The following MACROD2 variants were observed in gnomAD, a reference collection of about 807,000 sequenced individuals.
MACROD2 encodes mono-ADP ribosylhydrolase 2.
Under a neutral mutation model 70.4 loss-of-function variants are expected in MACROD2, and 36 were observed. The ratio of observed to expected loss-of-function variants is 0.51; its 90% CI spans 0.39 to 0.68. The LOEUF is 0.68. Among genes scored for constraint, MACROD2 ranks in the 30% least tolerant of loss-of-function variants. The pLI, the probability that MACROD2 is intolerant of heterozygous loss-of-function variation, is 0.00. For synonymous variants in MACROD2, 172 were observed against 178.8 expected (o/e 0.96, Z 0.30); for missense variants, 496 against 538.4 (o/e 0.92, Z 0.78).
chr20:16,021,433 C>A (rs2066999702), intron 15 of MACROD2, among the ~76,000 whole-genome samples: 1 of 152,158 alleles, frequency 6.6e-6, no homozygotes, highest in Admixed American at 6.5e-5. Flanking sequence ...CAGAGTTGTG[C>A]AGGGAGAGAC....
At position 14,382,282 on chromosome 20, in the gene MACROD2, G is replaced by A. The variant is rs535876410; in HGVS notation, c.272-111197G>A. Among the ~76,000 whole-genome samples the A allele has an allele frequency of 9.9e-5, 15 of 151,828 alleles. No homozygotes were observed. The East Asian group carries it at 1.8e-3, about 18-fold the overall frequency. The stretch of plus-strand genomic sequence containing the variant: ...TCACCATGTTAGCCAGGATGGTCTC[G>A]AGCTCCTGACCTTGTGATCCGCCCG... On this transcript the variant is annotated intron_variant, in intron 3 of 17. Coordinates refer to ENST00000684519, the MANE Select transcript of MACROD2 (RefSeq NM_001351661.2).
At chr20:14,606,727 G>T (rs534691491) in intron 4 of MACROD2, among the ~76,000 whole-genome samples, 1 of 152,174 alleles carries the variant, frequency 6.6e-6, no homozygotes, top group Non-Finnish European at 1.5e-5. Flanking sequence ...TTTTGTGTGT[G>T]TGATTTGGCT....
intron 5 of MACROD2, among the ~76,000 whole-genome samples, chr20:14,766,152 C>T (rs1308659072): frequency 6.6e-6 from 1 of 152,026 alleles, no homozygotes; most frequent in Non-Finnish European, 1.5e-5. Flanking sequence ...TGTGTGTACA[C>T]TGAAGAGTGT....
intron 3 of MACROD2, among the ~76,000 whole-genome samples, chr20:14,106,598 A>G (rs1224156963): frequency 6.6e-6 from 1 of 152,160 alleles, no homozygotes; most frequent in African/African-American, 2.4e-5. Flanking sequence ...GTAGCCAGGT[A>G]GTGGTTACAG....
At chr20:15,967,526 C>T in intron 12 of MACROD2, 27 bp from the exon 13 acceptor site, 1 of 1,590,634 alleles carries the variant, frequency 6.3e-7, no homozygotes, top group South Asian at 1.1e-5. Context: ...AAAATGCTGA[C>T]CAAAGGTTTT....
At chr20:15,970,963 A>G (rs994262717) in intron 13 of MACROD2, among the ~76,000 whole-genome samples, 4 of 152,212 alleles carry the variant, frequency 2.6e-5, no homozygotes, top group Non-Finnish European at 4.4e-5. Context: ...AAGGATCAGA[A>G]TATTTCTGAG....
chr20:15,149,832 A>G (rs2076256479), intron 5 of MACROD2, among the ~76,000 whole-genome samples: 1 of 152,000 alleles, frequency 6.6e-6, no homozygotes, highest in African/African-American at 2.4e-5. Flanking sequence ...TGTGTAATGA[A>G]AAGGGTTGGG....
chr20:15,933,602 G>A (rs967503896), intron 11 of MACROD2, among the ~76,000 whole-genome samples: 3 of 152,156 alleles, frequency 2.0e-5, no homozygotes, highest in East Asian at 1.9e-4. Context: ...TAAGAGGGAC[G>A]GGCGGAGGTT....
intron 5 of MACROD2, among the ~76,000 whole-genome samples, chr20:14,781,581 T>A (rs1231578624): frequency 1.3e-5 from 2 of 150,852 alleles, no homozygotes; most frequent in Admixed American, 6.6e-5. Flanking sequence ...GGTACTTCAG[T>A]TATAGCTTTT....
In MACROD2 at chr20:15,987,264, G is replaced by T; in HGVS notation, c.1153+106G>T. 3 of 903,170 alleles carry T rather than the reference G, an allele frequency of 3.3e-6. No individual in the cohort carries two copies. The South Asian group carries it at 4.9e-5, about 15-fold the overall frequency. The allele number at this position is 903,170 out of a possible 1,614,324, so 55.9% of individuals were successfully genotyped here. On this transcript the variant is annotated intron_variant, in intron 15 of 17. Transcript: ENST00000684519. ...TCTCATGCAATTACAGTTTGTAAAG[G>T]GGGAAAACGAACATTTCCTTAACCC...
At chr20:14,437,174 AAAGGT>A (rs1465317282) in intron 3 of MACROD2, among the ~76,000 whole-genome samples, 1 of 152,188 alleles carries the variant, frequency 6.6e-6, no homozygotes. Context: ...TTATAAAAAG[AAAGGT>A]AAGTGGTGAT....
At chr20:15,268,071 A>G (rs2077312639) in intron 6 of MACROD2, among the ~76,000 whole-genome samples, 1 of 152,200 alleles carries the variant, frequency 6.6e-6, no homozygotes, top group Non-Finnish European at 1.5e-5. Context: ...GATGAGTGTG[A>G]AAAGTTAGTG....
At chr20:15,651,586 A>G (rs1461294325) in intron 8 of MACROD2, among the ~76,000 whole-genome samples, 1 of 152,156 alleles carries the variant, frequency 6.6e-6, no homozygotes, top group Non-Finnish European at 1.5e-5. Flanking sequence ...TAAACTTAAC[A>G]GGGTCAATAT....
chr20:14,821,629 C>T (rs1426785829), intron 5 of MACROD2, among the ~76,000 whole-genome samples: 1 of 152,028 alleles, frequency 6.6e-6, no homozygotes, highest in African/African-American at 2.4e-5. Context: ...TTTTGTTTTC[C>T]CTAAGTCTAG....
chr20:14,618,835 T>A (rs890775300), intron 4 of MACROD2, among the ~76,000 whole-genome samples: 1 of 152,196 alleles, frequency 6.6e-6, no homozygotes, highest in Non-Finnish European at 1.5e-5. Flanking sequence ...CAAGAAATTC[T>A]ATGGGCTTTA....
chr20:15,875,461 C>A (rs2064654669), intron 9 of MACROD2, among the ~76,000 whole-genome samples: 1 of 152,016 alleles, frequency 6.6e-6, no homozygotes, highest in South Asian at 2.1e-4. Flanking sequence ...TTCTGCAAGA[C>A]AAGCTCTCTA....
intron 3 of MACROD2, among the ~76,000 whole-genome samples, chr20:14,468,570 T>A (rs979520259): frequency 6.6e-6 from 1 of 151,544 alleles, no homozygotes; most frequent in Non-Finnish European, 1.5e-5. Context: ...TGGAGTGCAG[T>A]GGCTCGATCT....
At chr20:14,188,840 ATC>A (rs1476218107) in intron 3 of MACROD2, among the ~76,000 whole-genome samples, 1 of 152,148 alleles carries the variant, frequency 6.6e-6, no homozygotes, top group Non-Finnish European at 1.5e-5. Context: ...CTACATTTTC[ATC>A]TGTTTTATTA....
chr20:15,782,173 T>C (rs1286097134), intron 8 of MACROD2, among the ~76,000 whole-genome samples: 2 of 152,206 alleles, frequency 1.3e-5, no homozygotes, highest in South Asian at 2.1e-4. Context: ...GAAGAAAAGA[T>C]GAATTTGAAG....
Sources: allele counts gnomAD v4.1 joint callset (sites outside exome capture counted in the v4.1 genomes callset), GRCh38; gene constraint gnomAD v4.1.1; transcripts MANE v1.5; gene names NCBI Gene and HGNC (gene_info 2026-07-23, HGNC 2026-07-21).